GALNT10: variants seen among roughly 807,000 people sequenced by gnomAD.
GALNT10 encodes the protein polypeptide N-acetylgalactosaminyltransferase 10.
In GALNT10, 41 loss-of-function variants were observed where a neutral mutation model predicts 75.0. That is an observed-to-expected ratio of 0.55 (90% CI 0.43 to 0.71). GALNT10 has a LOEUF of 0.71. Ranked by LOEUF, GALNT10 falls within the 30% of genes least tolerant of loss-of-function variation. The pLI, the probability that GALNT10 is intolerant of heterozygous loss-of-function variation, is 0.00. For missense variants in GALNT10, 727 were observed against 818.5 expected (o/e 0.89, Z 1.36); for synonymous variants, 302 against 313.0 (o/e 0.96, Z 0.37).
chr5:154,203,259 C>T (rs532896938), intron 1 of GALNT10, among the ~76,000 whole-genome samples: 2 of 152,260 alleles, frequency 1.3e-5, no homozygotes, highest in African/African-American at 2.4e-5. Context: ...TCCACCTCCC[C>T]CCGCAACCCC....
intron 1 of GALNT10, among the ~76,000 whole-genome samples, chr5:154,198,988 A>G (rs1774985861): frequency 6.6e-6 from 1 of 152,244 alleles, no homozygotes; most frequent in Non-Finnish European, 1.5e-5. Context: ...TAATCTGTCC[A>G]GACTGTCTGC....
chr5:154,350,248 A>G (rs892911053), intron 4 of GALNT10, among the ~76,000 whole-genome samples: 1 of 151,904 alleles, frequency 6.6e-6, no homozygotes, highest in Non-Finnish European at 1.5e-5. Context: ...GGTAGGGGCC[A>G]GTGGTTGTTC....
chr5:154,332,549 C>T (rs1754882864), intron 4 of GALNT10, among the ~76,000 whole-genome samples: 1 of 152,206 alleles, frequency 6.6e-6, no homozygotes, highest in Non-Finnish European at 1.5e-5. Context: ...GGTTACATGG[C>T]TGTTTGTTGA....
chr5:154,356,180 C>T (rs1413342138), intron 4 of GALNT10: 2 of 456,178 alleles, frequency 4.4e-6, no homozygotes, highest in African/African-American at 2.0e-5. Context: ...ACTCCCTCTC[C>T]CTTTGTGTGC....
Position 154,236,475 on chromosome 5 carries a change from G to T in GALNT10, c.159+45450G>T, listed in dbSNP as rs182159729. On this transcript the variant is annotated intron_variant, in intron 1 of 11. Transcript: ENST00000297107. ...AATCAACTTGTTTTAGGCTTAAATT[G>T]TAGGCTCCTCTGGTCTTCTTTTTAG... 5.3e-5 allele frequency among the ~76,000 whole-genome samples: 8 copies of T among 152,264 alleles called. No homozygotes were observed. In the South Asian group the frequency reaches 1.7e-3, roughly 32 times the overall value.
At chr5:154,361,993 C>T (rs1175311927) in intron 4 of GALNT10, among the ~76,000 whole-genome samples, 1 of 152,114 alleles carries the variant, frequency 6.6e-6, no homozygotes, top group Admixed American at 6.5e-5. Context: ...TCCACCCAGA[C>T]AGCCATCTGG....
At chr5:154,254,620 A>G (rs948269374) in intron 1 of GALNT10, among the ~76,000 whole-genome samples, 4 of 151,598 alleles carry the variant, frequency 2.6e-5, no homozygotes, top group African/African-American at 9.7e-5. Context: ...CTTTGAAAAA[A>G]GTCTGTAGCC....
chr5:154,200,671 T>G (rs1775015516), intron 1 of GALNT10, among the ~76,000 whole-genome samples: 2 of 152,246 alleles, frequency 1.3e-5, no homozygotes, highest in African/African-American at 4.8e-5. Context: ...AGCCAGGATC[T>G]GTCATTTGGA....
intron 1 of GALNT10, among the ~76,000 whole-genome samples, chr5:154,262,227 G>T: frequency 6.6e-6 from 1 of 150,752 alleles, no homozygotes; most frequent in East Asian, 1.9e-4. Context: ...TTAGGGAGGG[G>T]CCCAGACAGG....
At chr5:154,381,797 C>T (rs1243482417) in intron 6 of GALNT10, among the ~76,000 whole-genome samples, 1 of 152,212 alleles carries the variant, frequency 6.6e-6, no homozygotes, top group African/African-American at 2.4e-5. Context: ...CTTCTCCTTG[C>T]TTTCCTTCAT....
intron 1 of GALNT10, among the ~76,000 whole-genome samples, chr5:154,285,624 C>T (rs892943249): frequency 1.3e-5 from 2 of 152,134 alleles, no homozygotes; most frequent in Non-Finnish European, 2.9e-5. Flanking sequence ...GTGTGCCCAC[C>T]CCTACTTCTG....
chr5:154,286,925 C>T (rs537378815), intron 1 of GALNT10, among the ~76,000 whole-genome samples: 1 of 152,312 alleles, frequency 6.6e-6, no homozygotes, highest in South Asian at 2.1e-4. Flanking sequence ...TCTCATACAG[C>T]TTGGTCCTGG....
At chr5:154,332,902 G>T (rs897839024) in intron 4 of GALNT10, among the ~76,000 whole-genome samples, 27 of 152,180 alleles carry the variant, frequency 1.8e-4, no homozygotes, top group African/African-American at 6.5e-4. Context: ...GGGTATCACA[G>T]GGCATCCGTC....
At chr5:154,399,477 G>T (rs1004057130) in intron 7 of GALNT10, among the ~76,000 whole-genome samples, 2 of 152,172 alleles carry the variant, frequency 1.3e-5, no homozygotes, top group African/African-American at 4.8e-5. Context: ...GACAAACCCA[G>T]CCAGGATCCA....
At chr5:154,213,301 A>G (rs1752801412) in intron 1 of GALNT10, among the ~76,000 whole-genome samples, 4 of 152,196 alleles carry the variant, frequency 2.6e-5, no homozygotes, top group Admixed American at 2.0e-4. Context: ...AGAATTTGAA[A>G]GGAAAAACAA....
intron 1 of GALNT10, among the ~76,000 whole-genome samples, chr5:154,279,927 AT>A (rs1754014254): frequency 6.6e-6 from 1 of 152,182 alleles, no homozygotes; most frequent in Non-Finnish European, 1.5e-5. Flanking sequence ...TTCTGGGTAT[AT>A]ATCCAAAGAA....
At chr5:154,245,544 T>G (rs1753408269) in intron 1 of GALNT10, among the ~76,000 whole-genome samples, 1 of 151,716 alleles carries the variant, frequency 6.6e-6, no homozygotes, top group Non-Finnish European at 1.5e-5. Flanking sequence ...TGGCTTTTTT[T>G]TTTTAATTAT....
At chr5:154,386,544 A>G in intron 7 of GALNT10, 114 bp downstream of exon 7, 1 of 494,742 alleles carries the variant, frequency 2.0e-6, no homozygotes, top group Non-Finnish European at 3.9e-6. Flanking sequence ...AGGGTTCTGT[A>G]GCCCTTCTGC....
intron 3 of GALNT10, among the ~76,000 whole-genome samples, chr5:154,323,784 A>G (rs1446535831): frequency 6.6e-6 from 1 of 151,962 alleles, no homozygotes; most frequent in East Asian, 1.9e-4. Context: ...CCTGTCAGGT[A>G]CTGAAACCAG....
Sources: gnomAD v4.1 joint callset for allele counts (sites outside exome capture counted in the v4.1 genomes callset) on GRCh38, gnomAD v4.1.1 for gene constraint, MANE v1.5 for transcripts, NCBI Gene and HGNC (gene_info 2026-07-23, HGNC 2026-07-21) for gene names.